Variants in EMC1 observed in about 807,000 individuals in gnomAD.
EMC1 encodes KIAA0090.
Under a neutral mutation model 128.8 loss-of-function variants are expected in EMC1, and 103 were observed. The ratio of observed to expected loss-of-function variants is 0.80; its 90% CI spans 0.68 to 0.94. The LOEUF is 0.94. Among genes scored for constraint, EMC1 ranks in the 40% least tolerant of loss-of-function variants. The pLI, the probability that EMC1 is intolerant of heterozygous loss-of-function variation, is 0.00. For missense variants in EMC1, 1,083 were observed against 1,250.6 expected (o/e 0.87, Z 2.02); for synonymous variants, 442 against 490.4 (o/e 0.90, Z 1.30).
chr1:19,225,192 T>C (rs1474552519), intron 18 of EMC1, among the ~76,000 whole-genome samples: 1 of 152,244 alleles, frequency 6.6e-6, no homozygotes, highest in African/African-American at 2.4e-5. Flanking sequence ...AGTGTCTAAA[T>C]GAGTGCCTGC....
intron 5 of EMC1, among the ~76,000 whole-genome samples, chr1:19,241,607 C>A (rs1402605511): frequency 6.6e-6 from 1 of 152,092 alleles, no homozygotes; most frequent in Non-Finnish European, 1.5e-5. Context: ...CTCTACCTCC[C>A]GAGGCTCAGG....
rs911411745 is a variant in EMC1 at position 19,251,483 on chromosome 1, G to C, written c.27C>G (p.Phe9Leu). 5.6e-6 allele frequency: 9 copies of C among 1,614,042 alleles called. No individual in the cohort carries two copies. In the African/African-American group the frequency reaches 8.0e-5, roughly 14 times the overall value. The change falls in exon 1 of 23, where the codon TTC (phenylalanine) becomes TTG (leucine). Residue 9 changes from phenylalanine (F) to leucine (L), a missense_variant. Physicochemically the swap from Phe to Leu is conservative, Grantham distance 22. This residue lies in a region of EMC1 where 544 missense variants were observed against 572.4 expected (regional missense o/e 0.95). Coordinates refer to ENST00000477853, the MANE Select transcript of EMC1 (RefSeq NM_015047.3). Reference sequence around the variant, plus strand: ...GAATCAGCAGCGTAGCCCAAAGCCAGAAACGAGAAGCCCACTCAGCCGCCA... The same window carrying C: ...GAATCAGCAGCGTAGCCCAAAGCCACAAACGAGAAGCCCACTCAGCCGCCA... MAAEWASR[F>L]WLWATLLIPA...
chr1:19,236,023 C>A (rs2093560837), intron 12 of EMC1, among the ~76,000 whole-genome samples: 1 of 152,136 alleles, frequency 6.6e-6, no homozygotes, highest in Non-Finnish European at 1.5e-5. Flanking sequence ...GGGCTGGAAT[C>A]AATAGGTCAA....
In EMC1 at chr1:19,219,658, G is replaced by T. The variant is rs374950905; in HGVS notation, c.2713C>A (p.His905Asn). 1.2e-6 allele frequency: 2 copies of T among 1,614,074 alleles called. No homozygotes were observed. The highest frequency in any genetic ancestry group is 2.2e-5 in the East Asian group (1 of 44,856). The change falls in exon 22 of 23, where the codon CAC (histidine) becomes AAC (asparagine). Residue 905 changes from histidine to asparagine, a missense_variant. Physicochemically the swap from His to Asn is moderately conservative, Grantham distance 68. Transcript: ENST00000477853. ...TTATAGTTGATGAATCGCTCTGCGT[G>T]TATCTGTACATCTGGAGAATACGGG... Reference protein sequence around the residue: ...LIPYSPDVQIHAERFINYNQT... With the variant: ...LIPYSPDVQINAERFINYNQT...
At position 19,238,781 on chromosome 1, in the gene EMC1, G is replaced by A. The variant is rs369512133; in HGVS notation, c.1089+14C>T. Reference sequence around the variant, plus strand: ...GTCTCTAGGTCTGGCATACTGCCCAGTGCCACACCATACCTTTGAACTAGA... The same window carrying A: ...GTCTCTAGGTCTGGCATACTGCCCAATGCCACACCATACCTTTGAACTAGA... On this transcript the variant is annotated intron_variant, in intron 10 of 22. Transcript: ENST00000477853. The A allele has an allele frequency of 6.3e-7, 1 of 1,592,190 alleles. No individual in the cohort carries two copies. Among genetic ancestry groups the A allele is most frequent in the African/African-American group, 1.3e-5 (1 of 74,464 alleles).
At chr1:19,239,437 G>T (rs1197478172) in intron 8 of EMC1, 135 bp from the exon 9 acceptor site, 2 of 708,814 alleles carry the variant, frequency 2.8e-6, no homozygotes, top group Non-Finnish European at 2.4e-6. Context: ...GAATGGTCAG[G>T]CATTTAAGAG....
In EMC1 at chr1:19,243,665, C is replaced by A; in HGVS notation, c.329G>T (p.Trp110Leu). ...VSNGGRIMRSWETNIGGLNWE... is the reference protein window; with the variant it reads ...VSNGGRIMRSLETNIGGLNWE... ...GTTCAGGCCCCCGATGTTAGTCTCC[C>A]AGGAACGCATGATTCGGCCTCCATT... Residue 110 changes from tryptophan to leucine, a missense_variant, in exon 4 of 23, where the codon TGG becomes TTG. This residue lies in a region of EMC1 where 544 missense variants were observed against 572.4 expected (regional missense o/e 0.95). Transcript: ENST00000477853. The A allele has an allele frequency of 1.2e-6, 2 of 1,614,188 alleles. No individual in the cohort carries two copies. The highest frequency in any genetic ancestry group is 1.7e-6 in the Non-Finnish European group (2 of 1,180,050).
In EMC1 at chr1:19,222,606, G is replaced by C. The variant is rs1168821186; in HGVS notation, c.2587+18C>G. On this transcript the variant is annotated intron_variant, in intron 20 of 22. Coordinates refer to ENST00000477853, the MANE Select transcript of EMC1 (RefSeq NM_015047.3). ...CCCAAGGGAACCCAGCCATCCCAGA[G>C]GCTCCCCAGTCACTCACTCAGCAGG... The C allele has an allele frequency of 1.2e-6, 2 of 1,611,512 alleles. No individual in the cohort carries two copies. The highest frequency in any genetic ancestry group is 4.5e-5 in the East Asian group (2 of 44,858).
Position 19,219,645 on chromosome 1 carries a change from A to C in EMC1, c.2726T>G (p.Phe909Cys). The stretch of plus-strand genomic sequence containing the variant: ...AGAAACTGTCTGGTTATAGTTGATG[A>C]ATCGCTCTGCGTGTATCTGTACATC... ...SPDVQIHAER[F>C]INYNQTVSRM... The change falls in exon 22 of 23, where the codon TTC becomes TGC. Residue 909 changes from phenylalanine (F) to cysteine (C), a missense_variant. By Grantham distance (205) the Phe-to-Cys change is radical. Around this residue, in one of 3 missense-constraint regions of EMC1, gnomAD observed 527 missense variants for 644.1 expected, o/e 0.82. Transcript: ENST00000477853. 6.2e-7 allele frequency: 1 copy of C among 1,614,096 alleles called. No homozygotes were observed. Among genetic ancestry groups the C allele is most frequent in the South Asian group, 1.1e-5 (1 of 91,086 alleles).
At chr1:19,224,441 C>G (rs1361759237) in intron 18 of EMC1, among the ~76,000 whole-genome samples, 4 of 152,208 alleles carry the variant, frequency 2.6e-5, no homozygotes, top group Admixed American at 2.0e-4. Context: ...CTCTCCTCCC[C>G]AGCCAGTCAC....
intron 3 of EMC1, 74 bp from the exon 4 acceptor site, chr1:19,243,781 T>G (rs543211202): frequency 6.6e-7 from 1 of 1,506,536 alleles, no homozygotes; most frequent in African/African-American, 1.4e-5. Flanking sequence ...CTGTGAGCAG[T>G]GGCCTCACCT....
intron 12 of EMC1, 114 bp downstream of exon 12, chr1:19,237,028 C>A (rs1572012436): frequency 4.0e-6 from 3 of 742,538 alleles, no homozygotes; most frequent in South Asian, 1.4e-5. Flanking sequence ...ACACTCAGGG[C>A]ACACTCCACT....
chr1:19,230,957 C>T lies in EMC1; in HGVS notation c.1951G>A (p.Ala651Thr). Residue 651 changes from alanine (A) to threonine (T), a missense_variant, in exon 17 of 23, where the codon GCT becomes ACT. Transcript: ENST00000477853. ...AAGACATTCCGAGTGGCTGGAAAAG[C>T]TGTGACCTTGAAAAACCCAGAGAGC... The part of the protein sequence containing the change: ...LLIDDEYKVT[A>T]FPATRNVLRQ... 6.2e-7 allele frequency: 1 copy of T among 1,614,036 alleles called. No homozygotes were observed. The highest frequency in any genetic ancestry group is 1.3e-5 in the African/African-American group (1 of 75,038).
rs2093447423 is a variant in EMC1, at chr1:19,223,447, C to A, written c.2325G>T (p.Gln775His). ...VTGRIIHSSV[Q>H]KKAKGPVHIV... ...TATGGACAGGGCCTTTGGCTTTCTT[C>A]TGCACAGAGGAGTGAATGATACGCC... Residue 775 changes from glutamine (Q) to histidine (H), a missense_variant, in exon 19 of 23, where the codon CAG becomes CAT. Coordinates refer to ENST00000477853, the MANE Select transcript of EMC1 (RefSeq NM_015047.3). 1 of 1,614,212 alleles carries A rather than the reference C, an allele frequency of 6.2e-7. No homozygotes were observed. The highest frequency in any genetic ancestry group is 1.1e-5 in the South Asian group (1 of 91,088).
rs781567809 is a variant in EMC1 at position 19,230,865 on chromosome 1, C to T, written c.2043G>A (p.Leu681=). ...CTACCTTTCGAAGCCGATATCCACA[C>T]AGCCGTCCCTGCTCTGCATCCACCA... The part of the protein sequence containing the change: ...FYLVDAEQGR[L]CGYRLRKDLT... The change falls in exon 17 of 23, where the codon CTG becomes CTA. Residue 681 remains leucine (L), a synonymous_variant. Coordinates refer to ENST00000477853, the MANE Select transcript of EMC1 (RefSeq NM_015047.3). The T allele has an allele frequency of 2.5e-6, 4 of 1,614,212 alleles. No homozygotes were observed. Among genetic ancestry groups the T allele is most frequent in the South Asian group, 2.2e-5 (2 of 91,088 alleles).
At chr1:19,228,998 T>C (rs1381180915) in intron 17 of EMC1, among the ~76,000 whole-genome samples, 1 of 152,062 alleles carries the variant, frequency 6.6e-6, no homozygotes, top group Non-Finnish European at 1.5e-5. Context: ...GAGCTGAGAC[T>C]GCGCCCCTGC....
rs1331384007 is a variant in EMC1, at chr1:19,239,810, G to A, written c.954+8C>T. On this transcript the variant is annotated splice_region_variant and intron_variant, in intron 8 of 22. Coordinates refer to ENST00000477853, the MANE Select transcript of EMC1 (RefSeq NM_015047.3). ...TGAATCCTAGCAAACCATGTTGCCT[G>A]CAGTTACCTGTGGGAAGTTTTTAAG... is the stretch of plus-strand genomic sequence containing the variant. 4 of 1,613,594 alleles carry A rather than the reference G, an allele frequency of 2.5e-6. No homozygotes were observed. Among genetic ancestry groups the A allele is most frequent in the African/African-American group, 2.7e-5 (2 of 75,024 alleles).
intron 12 of EMC1, among the ~76,000 whole-genome samples, chr1:19,235,529 CT>C (rs945937607): frequency 6.6e-6 from 1 of 151,988 alleles, no homozygotes; most frequent in African/African-American, 2.4e-5. Context: ...GGTGAAACCC[CT>C]CTCTACTAAA....
chr1:19,242,300 G>C (rs1432228585), intron 5 of EMC1, 45 bp downstream of exon 5: 8 of 1,611,326 alleles, frequency 5.0e-6, no homozygotes, highest in Non-Finnish European at 6.8e-6. Flanking sequence ...GGAGCTCCTA[G>C]AGAGTAGAAC....
Sources: gnomAD v4.1 joint callset for allele counts (sites outside exome capture counted in the v4.1 genomes callset) on GRCh38, gnomAD v4.1.1 for gene constraint, gnomAD v4.1.1 regional missense constraint, MANE v1.5 for transcripts, NCBI Gene and HGNC (gene_info 2026-07-23, HGNC 2026-07-21) for gene names.